The following CEP83 variants were observed in gnomAD, a reference collection of about 807,000 sequenced individuals.
The protein encoded by CEP83 is centrosomal protein 83, also known as centrosomal protein of 83 kDa.
CEP83 carries 70 observed loss-of-function variants against 101.9 expected under a neutral mutation model. The observed-to-expected ratio is 0.69, with a 90% CI of 0.57 to 0.84. The LOEUF (loss-of-function observed/expected upper bound fraction) is 0.84, where lower values mean the gene tolerates loss of function less well. Among genes scored for constraint, CEP83 ranks in the 40% least tolerant of loss-of-function variants. The probability of loss-of-function intolerance (pLI) is 0.00; values close to 1 mark genes in which losing one functional copy is unlikely to be tolerated. For missense variants in CEP83, 715 were observed against 787.2 expected (o/e 0.91, Z 1.10); for synonymous variants, 264 against 267.9 (o/e 0.99, Z 0.14).
In CEP83 at chr12:94,412,233, A is replaced by G. The variant is rs2063930127; in HGVS notation, c.173+85T>C. The G allele has an allele frequency of 1.8e-6, 2 of 1,097,540 alleles. 1 individual carries two copies. Among genetic ancestry groups the G allele is most frequent in the Admixed American group, 5.4e-5 (2 of 37,028 alleles). The allele number at this position is 1,097,540 out of a possible 1,614,324, so 68.0% of individuals were successfully genotyped here. On this transcript the variant is annotated intron_variant, in intron 3 of 16. Transcript: ENST00000397809. ...ATACATTGCAAAATAACAAAATTAT[A>G]CTATATTCTATAGCAAACATTCAGC...
chr12:94,384,031 C>T (rs994826893), intron 6 of CEP83, among the ~76,000 whole-genome samples: 1 of 152,134 alleles, frequency 6.6e-6, no homozygotes, highest in Non-Finnish European at 1.5e-5. Context: ...CATATACCCA[C>T]AGTTCTGTTT....
At chr12:94,432,058 CT>C (rs200437957) in intron 2 of CEP83, among the ~76,000 whole-genome samples, 239 of 143,118 alleles carry the variant, frequency 1.7e-3, no homozygotes, top group Non-Finnish European at 1.4e-3. Context: ...TTAACTTTTT[CT>C]TTTTTTTTTT....
chr12:94,286,535 T>C, the CEP83 span, among the ~76,000 whole-genome samples: 2 of 140,268 alleles, frequency 1.4e-5, no homozygotes, highest in Admixed American at 1.5e-4. Context: ...AGCATTTCCC[T>C]CCAAAGAGAC....
rs117061200 is a variant in CEP83, at chr12:94,442,378, G to C, written c.-154-7051C>G. Among the ~76,000 whole-genome samples the C allele has an allele frequency of 8.5e-4, 129 of 151,822 alleles. 1 individual carries two copies. The East Asian group carries it at 0.022, about 26-fold the overall frequency. ...TGGGGACCTGGGGGGAAGGAGGGAG[G>C]GGGGTGAGGGTTAAAAGACTACACA... On this transcript the variant is annotated intron_variant, in intron 1 of 16. Transcript: ENST00000397809.
chr12:94,432,157 C>T (rs1157801044), intron 2 of CEP83, among the ~76,000 whole-genome samples: 1 of 151,902 alleles, frequency 6.6e-6, no homozygotes, highest in Admixed American at 6.5e-5. Context: ...CAGGTTCACA[C>T]CATTCTCCTG....
intron 11 of CEP83, among the ~76,000 whole-genome samples, chr12:94,348,284 G>A (rs2060035301): frequency 6.6e-6 from 1 of 152,060 alleles, no homozygotes. Context: ...GTCAGAAGTT[G>A]ACAATGACCA....
chr12:94,415,819 C>G (rs569822885), intron 2 of CEP83, among the ~76,000 whole-genome samples: 2 of 152,036 alleles, frequency 1.3e-5, no homozygotes, highest in Non-Finnish European at 2.9e-5. Context: ...AGTAAGAACA[C>G]AGATAATTTA....
chr12:94,270,645 G>C, the CEP83 span, among the ~76,000 whole-genome samples: 2,951 of 147,730 alleles, frequency 0.02, 34 homozygotes, highest in South Asian at 0.047. Flanking sequence ...CAGTTATCTT[G>C]GGCTAAATCA....
intron 6 of CEP83, among the ~76,000 whole-genome samples, chr12:94,394,224 A>G (rs1479210065): frequency 1.3e-5 from 2 of 152,196 alleles, no homozygotes; most frequent in African/African-American, 4.8e-5. Flanking sequence ...TTCTAACTAT[A>G]CTACAAGGCT....
chr12:94,408,433 A>C (rs972077686), intron 4 of CEP83, among the ~76,000 whole-genome samples: 15 of 152,196 alleles, frequency 9.9e-5, no homozygotes, highest in Admixed American at 9.8e-4. Flanking sequence ...TTTCATTAGC[A>C]CAAAAAGAGT....
chr12:94,436,195 C>T (rs1272117310), intron 1 of CEP83, among the ~76,000 whole-genome samples: 2 of 152,054 alleles, frequency 1.3e-5, no homozygotes, highest in Non-Finnish European at 2.9e-5. Context: ...CCCAAAAGAT[C>T]ACACTAGCTC....
chr12:94,373,284 C>T (rs915716022), intron 8 of CEP83, among the ~76,000 whole-genome samples: 5 of 152,100 alleles, frequency 3.3e-5, no homozygotes, highest in Non-Finnish European at 5.9e-5. Flanking sequence ...TATGTTTTGA[C>T]ACAATGGAAG....
chr12:94,348,917 C>T (rs1202745214), intron 11 of CEP83, among the ~76,000 whole-genome samples: 1 of 152,140 alleles, frequency 6.6e-6, no homozygotes, highest in Non-Finnish European at 1.5e-5. Flanking sequence ...CTGACTATGA[C>T]TTCTTTAAGC....
intron 14 of CEP83, among the ~76,000 whole-genome samples, chr12:94,328,863 A>C (rs1223585796): frequency 6.6e-6 from 1 of 152,206 alleles, no homozygotes. Flanking sequence ...GATTCTTACT[A>C]GTTAAGTAAT....
intron 11 of CEP83, among the ~76,000 whole-genome samples, chr12:94,346,811 A>G (rs1028846928): frequency 2.6e-5 from 4 of 152,210 alleles, no homozygotes; most frequent in African/African-American, 9.6e-5. Flanking sequence ...GTGAAAACAC[A>G]GGAAAAAACA....
intron 11 of CEP83, among the ~76,000 whole-genome samples, chr12:94,352,770 A>G (rs977163039): frequency 7.9e-5 from 12 of 152,164 alleles, no homozygotes; most frequent in African/African-American, 2.4e-4. Flanking sequence ...GAACATTAAG[A>G]CAGGTCTTTT....
intron 5 of CEP83, 53 bp downstream of exon 5, chr12:94,403,117 A>G: frequency 8.5e-6 from 8 of 937,760 alleles, no homozygotes; most frequent in Non-Finnish European, 1.4e-5. Flanking sequence ...GCTTTTCATC[A>G]AGACTTTGAT....
intron 1 of CEP83, among the ~76,000 whole-genome samples, chr12:94,440,004 G>A (rs936356674): frequency 3.9e-5 from 6 of 152,006 alleles, no homozygotes; most frequent in Admixed American, 3.3e-4. Context: ...GATTAAAACC[G>A]TCTGCAACAT....
At chr12:94,319,316 C>G (rs1971231997) in intron 14 of CEP83, among the ~76,000 whole-genome samples, 1 of 152,086 alleles carries the variant, frequency 6.6e-6, no homozygotes, top group African/African-American at 2.4e-5. Context: ...ATTAGGCTAA[C>G]TAGTGGCCTA....
Sources: allele counts gnomAD v4.1 joint callset (sites outside exome capture counted in the v4.1 genomes callset), GRCh38; gene constraint gnomAD v4.1.1; transcripts MANE v1.5; gene names NCBI Gene and HGNC (gene_info 2026-07-23, HGNC 2026-07-21).